Variants in ZNF827 observed in about 807,000 individuals in gnomAD.
The protein encoded by ZNF827 is zinc finger protein 827.
A neutral mutation model predicts 102.4 loss-of-function variants in ZNF827; 13 were observed. That is an observed-to-expected ratio of 0.13 (90% CI 0.08 to 0.20). The LOEUF (loss-of-function observed/expected upper bound fraction) is 0.20, where lower values mean the gene tolerates loss of function less well. ZNF827 is among the 10% of genes least tolerant of loss of function. The pLI is 1.00. For missense variants in ZNF827, 1,103 were observed against 1,344.4 expected (o/e 0.82, Z 2.81); for synonymous variants, 523 against 536.2 (o/e 0.98, Z 0.34).
At chr4:145,828,182 G>A (rs1255102590) in intron 7 of ZNF827, among the ~76,000 whole-genome samples, 2 of 152,108 alleles carry the variant, frequency 1.3e-5, no homozygotes, top group South Asian at 2.1e-4. Context: ...CCTCCAACTG[G>A]TTACTTCAGC....
chr4:145,849,641 A>G, intron 5 of ZNF827, 80 bp from the exon 6 acceptor site: 1 of 1,586,564 alleles, frequency 6.3e-7, no homozygotes, highest in Non-Finnish European at 8.6e-7. Flanking sequence ...AATCACAGAG[A>G]AAACCATAAA....
In ZNF827 at chr4:145,885,954, C is replaced by T. The variant is rs772895087; in HGVS notation, c.1471G>A (p.Glu491Lys). 1 of 1,614,102 alleles carries T rather than the reference C, an allele frequency of 6.2e-7. No homozygotes were observed. The highest frequency in any genetic ancestry group is 8.5e-7 in the Non-Finnish European group (1 of 1,179,980). The change falls in exon 4 of 15, where the codon GAA becomes AAA. Residue 491 changes from glutamate (E) to lysine (K), a missense_variant. Physicochemically the swap from Glu to Lys is moderately conservative, Grantham distance 56. Transcript: ENST00000508784. ...CCCACTAGCTCTGTCCCTCCTCCTTCCCTTTGCTGCCCCAGGCAGGCACTG... is the reference window on the plus strand; with the variant it reads ...CCCACTAGCTCTGTCCCTCCTCCTTTCCTTTGCTGCCCCAGGCAGGCACTG... ...SDSACLGQQR[E>K]GGGTELVGTM...
chr4:145,855,691 A>G (rs1191076684), intron 5 of ZNF827, among the ~76,000 whole-genome samples: 2 of 152,328 alleles, frequency 1.3e-5, no homozygotes, highest in South Asian at 2.1e-4. Context: ...AGTGGAGGCC[A>G]AGGATGGAGC....
In ZNF827 at chr4:145,848,819, A is replaced by G. The variant is rs566024555; in HGVS notation, c.2221+503T>C. ...TTGGTTTACCGAAACTGTTCTGCTA[A>G]GGCTATAGCTGGAAATAGTCCTCAT... is the stretch of plus-strand genomic sequence containing the variant. On this transcript the variant is annotated intron_variant, in intron 6 of 14. Transcript: ENST00000508784. Among the ~76,000 whole-genome samples the G allele has an allele frequency of 2.0e-5, 3 of 152,340 alleles. No homozygotes were observed. In the East Asian group the frequency reaches 5.8e-4, roughly 29 times the overall value.
At chr4:145,871,317 C>G (rs2126761716) in intron 4 of ZNF827, among the ~76,000 whole-genome samples, 1 of 152,304 alleles carries the variant, frequency 6.6e-6, no homozygotes, top group Admixed American at 6.5e-5. Flanking sequence ...AGTTTTTCCA[C>G]TAATGTCCTT....
At chr4:145,811,916 C>G (rs552153054) in intron 8 of ZNF827, among the ~76,000 whole-genome samples, 6,143 of 151,988 alleles carry the variant, frequency 0.04, 185 homozygotes, top group Admixed American at 0.076. Context: ...GAACTAACTC[C>G]AAGCTTTTTT....
At chr4:145,911,360 G>C (rs1752277490) in intron 1 of ZNF827, among the ~76,000 whole-genome samples, 1 of 152,148 alleles carries the variant, frequency 6.6e-6, no homozygotes, top group Non-Finnish European at 1.5e-5. Flanking sequence ...TGTTTCTCCA[G>C]GTACCGACAT....
At chr4:145,927,092 G>A (rs527276126) in intron 1 of ZNF827, among the ~76,000 whole-genome samples, 2 of 152,290 alleles carry the variant, frequency 1.3e-5, no homozygotes, top group African/African-American at 2.4e-5. Flanking sequence ...TTCCTGGAGC[G>A]TAGGGTCTCC....
At chr4:145,894,695 G>C (rs1046359345) in intron 2 of ZNF827, among the ~76,000 whole-genome samples, 1 of 152,122 alleles carries the variant, frequency 6.6e-6, no homozygotes. Flanking sequence ...TTTTAATTGG[G>C]GGAGTAACAG....
intron 8 of ZNF827, among the ~76,000 whole-genome samples, chr4:145,787,879 A>C (rs185622647): frequency 6.6e-6 from 1 of 152,200 alleles, no homozygotes; most frequent in Non-Finnish European, 1.5e-5. Context: ...CATCTTGCAC[A>C]GGGTCAAGTA....
intron 1 of ZNF827, among the ~76,000 whole-genome samples, chr4:145,933,888 C>T (rs1753980394): frequency 6.6e-6 from 1 of 152,184 alleles, no homozygotes; most frequent in African/African-American, 2.4e-5. Flanking sequence ...TGCCCAGTCC[C>T]ATGCGTGGTA....
At chr4:145,848,096 C>A (rs1343878410) in intron 6 of ZNF827, among the ~76,000 whole-genome samples, 3 of 152,192 alleles carry the variant, frequency 2.0e-5, no homozygotes, top group African/African-American at 7.2e-5. Context: ...CTGAAAAGAA[C>A]CACGCAGGTC....
At chr4:145,790,001 T>C (rs1030035974) in intron 8 of ZNF827, among the ~76,000 whole-genome samples, 5 of 152,208 alleles carry the variant, frequency 3.3e-5, no homozygotes, top group Admixed American at 6.5e-5. Flanking sequence ...TGAGCACCAA[T>C]TATGTAAATT....
At chr4:145,808,304 C>T (rs918770987) in intron 8 of ZNF827, among the ~76,000 whole-genome samples, 17 of 152,134 alleles carry the variant, frequency 1.1e-4, no homozygotes, top group Admixed American at 8.5e-4. Context: ...TCCAGGCTAT[C>T]CCACTCCCTC....
At chr4:145,845,861 TG>T in intron 7 of ZNF827, 94 bp downstream of exon 7, 1 of 1,280,980 alleles carries the variant, frequency 7.8e-7, no homozygotes, top group Non-Finnish European at 1.1e-6. Context: ...TTGAACCCAG[TG>T]GGAGAAAGAG....
intron 6 of ZNF827, among the ~76,000 whole-genome samples, chr4:145,848,289 T>C (rs539093343): frequency 6.6e-6 from 1 of 152,310 alleles, no homozygotes; most frequent in Admixed American, 6.5e-5. Context: ...ACAAATACCA[T>C]CCCTGTTTGA....
At chr4:145,815,436 C>T (rs1742506884) in intron 8 of ZNF827, among the ~76,000 whole-genome samples, 2 of 152,174 alleles carry the variant, frequency 1.3e-5, no homozygotes. Context: ...CCTATCACTA[C>T]ATCAGGAGAC....
rs75266657 is a variant in ZNF827, at chr4:145,779,351, C to G, written c.2521+23G>C. 2.6e-4 allele frequency: 414 copies of G among 1,610,460 alleles called. 1 individual carries two copies. The African/African-American group carries it at 4.8e-3, about 19-fold the overall frequency. ...TTGGTGATGGAGCATAGAGGGCTGACAGCCCAGGCCCTACTCACTCACCTG... is the reference window on the plus strand; with the variant it reads ...TTGGTGATGGAGCATAGAGGGCTGAGAGCCCAGGCCCTACTCACTCACCTG... On this transcript the variant is annotated intron_variant, in intron 9 of 14. Transcript: ENST00000508784.
intron 3 of ZNF827, among the ~76,000 whole-genome samples, chr4:145,890,320 A>T (rs1156644007): frequency 6.6e-6 from 1 of 152,226 alleles, no homozygotes; most frequent in Non-Finnish European, 1.5e-5. Flanking sequence ...AATTTCACAC[A>T]ACTGCTTTAT....
Sources: allele counts gnomAD v4.1 joint callset (sites outside exome capture counted in the v4.1 genomes callset), GRCh38; gene constraint gnomAD v4.1.1; transcripts MANE v1.5; gene names NCBI Gene and HGNC (gene_info 2026-07-23, HGNC 2026-07-21).